Variants in NFKBIB observed in about 807,000 individuals in gnomAD.
NFKBIB encodes the protein NF-kappa-B inhibitor beta.
A neutral mutation model predicts 32.1 loss-of-function variants in NFKBIB; 16 were observed. That is an observed-to-expected ratio of 0.50 (90% CI 0.34 to 0.76). The LOEUF is 0.76. NFKBIB is among the 30% of genes least tolerant of loss of function. NFKBIB has a pLI of 0.01. For missense variants in NFKBIB, 437 were observed against 514.9 expected, an observed-to-expected ratio of 0.85 and a Z score of 1.46; for synonymous variants, 222 against 219.5, an observed-to-expected ratio of 1.01 and a Z score of -0.10.
chr19:38,904,977 C>T (rs756783470), intron 1 of NFKBIB, 38 bp from the exon 2 acceptor site: 1 of 1,596,390 alleles, frequency 6.3e-7, no homozygotes, highest in Non-Finnish European at 8.6e-7. Context: ...TGCAAGAGGA[C>T]TTGAACTTTG....
chr19:38,900,733 T>G (rs1237177416), intron 1 of NFKBIB, among the ~76,000 whole-genome samples: 1 of 152,178 alleles, frequency 6.6e-6, no homozygotes, highest in African/African-American at 2.4e-5. Context: ...AAAAAAAGAA[T>G]GTTAGCTCCA....
At chr19:38,904,785 A>G (rs187918389) in intron 1 of NFKBIB, among the ~76,000 whole-genome samples, 1 of 151,992 alleles carries the variant, frequency 6.6e-6, no homozygotes, top group Admixed American at 6.6e-5. Context: ...GTGGGAGTGA[A>G]TTCTGGTCCA....
intron 1 of NFKBIB, 32 bp downstream of exon 1, chr19:38,900,243 C>G: frequency 6.4e-7 from 1 of 1,554,160 alleles, no homozygotes; most frequent in Non-Finnish European, 8.7e-7. Context: ...AAACGGAGCC[C>G]TAGGACCCGG....
chr19:38,899,694 C>A (rs199642371), upstream of NFKBIB: 35 of 921,680 alleles, frequency 3.8e-5, no homozygotes, highest in Non-Finnish European at 1.2e-5. Flanking sequence ...GCAGACATTG[C>A]GGCCGCAGAC....
In NFKBIB at chr19:38,899,993, A is replaced by G; in HGVS notation, c.-40A>G. The G allele has an allele frequency of 6.9e-7, 1 of 1,442,096 alleles. No individual in the cohort carries two copies. Among genetic ancestry groups the G allele is most frequent in the East Asian group, 2.5e-5 (1 of 39,640 alleles). The allele number at this position is 1,442,096 out of a possible 1,614,324, so 89.3% of individuals were successfully genotyped here. On this transcript the variant is annotated 5_prime_UTR_variant, in exon 1 of 6. Coordinates refer to ENST00000313582, the MANE Select transcript of NFKBIB (RefSeq NM_002503.5). ...AGAACTCCCGGCAAAGCCCAGCTAC[A>G]GGCGGGCGACTGCGGGGGGCCCCTG...
chr19:38,908,842 T>C lies in NFKBIB; in HGVS notation c.*10T>C. On this transcript the variant is annotated 3_prime_UTR_variant, in exon 6 of 6. Coordinates refer to ENST00000313582, the MANE Select transcript of NFKBIB (RefSeq NM_002503.5). ...CCCCCGCCCCGTGTGATTTGTTTCA[T>C]TGTTAATATAATTTCCAGTTTAATA... The C allele has an allele frequency of 1.2e-6, 2 of 1,610,956 alleles. No individual in the cohort carries two copies. The highest frequency in any genetic ancestry group is 1.7e-6 in the Non-Finnish European group (2 of 1,179,280).
intron 1 of NFKBIB, among the ~76,000 whole-genome samples, chr19:38,902,902 T>C (rs1275285341): frequency 6.6e-6 from 1 of 151,948 alleles, no homozygotes; most frequent in Admixed American, 6.6e-5. Flanking sequence ...GGTGAAACCT[T>C]GTCTCTACTA....
upstream of NFKBIB, chr19:38,899,706 C>G: frequency 1.2e-6 from 1 of 869,548 alleles, no homozygotes; most frequent in Non-Finnish European, 1.9e-6. Context: ...GCCGCAGACG[C>G]GCTTTCGTAC....
intron 5 of NFKBIB, chr19:38,907,993 T>G: frequency 1.7e-6 from 2 of 1,160,876 alleles, no homozygotes; most frequent in East Asian, 4.7e-5. Flanking sequence ...GAACTCACAC[T>G]GCGAAAAGAA....
intron 3 of NFKBIB, among the ~76,000 whole-genome samples, chr19:38,906,249 C>T (rs1295298251): frequency 1.3e-5 from 2 of 150,642 alleles, no homozygotes; most frequent in African/African-American, 2.5e-5. Flanking sequence ...ATTCTCCTGC[C>T]TCAGCCTCCC....
In NFKBIB at chr19:38,907,647, CGGAGACGAG is replaced by C; in HGVS notation, c.960_968del (p.Gly323_Glu325del). On this transcript the variant is annotated inframe_deletion, in exon 5 of 6. Coordinates refer to ENST00000313582, the MANE Select transcript of NFKBIB (RefSeq NM_002503.5). ...GCAGCAGCAGTAGCGACAGCGACAG[CGGAGACGAG>C]GGCGTGAGTCAGGAGGAGAGACAGG... The C allele has an allele frequency of 6.2e-7, 1 of 1,605,068 alleles. No homozygotes were observed. Among genetic ancestry groups the C allele is most frequent in the Non-Finnish European group, 8.5e-7 (1 of 1,176,322 alleles).
At chr19:38,908,551 A>AG (rs1974224869) in intron 5 of NFKBIB, 180 bp from the exon 6 acceptor site, 3 of 1,316,338 alleles carry the variant, frequency 2.3e-6, no homozygotes, top group Non-Finnish European at 1.9e-6. Flanking sequence ...AAAAAAAAAA[A>AG]AAAAAAAGAA....
At chr19:38,906,332 C>T (rs530415705) in intron 3 of NFKBIB, among the ~76,000 whole-genome samples, 1 of 151,010 alleles carries the variant, frequency 6.6e-6, no homozygotes, top group Non-Finnish European at 1.5e-5. Flanking sequence ...TTAGTAGAGA[C>T]GGGGTTTTAC....
chr19:38,904,288 A>T (rs191551379), intron 1 of NFKBIB, among the ~76,000 whole-genome samples: 2 of 152,118 alleles, frequency 1.3e-5, no homozygotes, highest in Admixed American at 1.3e-4. Context: ...ATAGCCTGTG[A>T]TGATGTTTTT....
At chr19:38,908,538 TAAAA>T (rs56371900) in intron 5 of NFKBIB, 189 bp from the exon 6 acceptor site, 328 of 1,080,482 alleles carry the variant, frequency 3.0e-4, no homozygotes, top group Middle Eastern at 1.1e-3. Flanking sequence ...GACTCCATCT[TAAAA>T]AAAAAAAAAA....
At chr19:38,900,346 C>T (rs1393735536) in intron 1 of NFKBIB, 135 bp downstream of exon 1, 3 of 953,736 alleles carry the variant, frequency 3.1e-6, no homozygotes, top group Non-Finnish European at 4.4e-6. Context: ...GACCTCTAAC[C>T]CCCGAGTCCT....
chr19:38,904,657 G>A (rs1434695082), intron 1 of NFKBIB, among the ~76,000 whole-genome samples: 2 of 152,112 alleles, frequency 1.3e-5, no homozygotes, highest in East Asian at 1.9e-4. Flanking sequence ...GGCCCACCTC[G>A]TGTTTCCTGT....
intron 5 of NFKBIB, chr19:38,907,916 A>G: frequency 2.2e-6 from 3 of 1,348,274 alleles, no homozygotes; most frequent in Non-Finnish European, 1.9e-6. Context: ...CGTTGGTCGC[A>G]GTGATTGGTG....
At chr19:38,904,486 G>A (rs941793597) in intron 1 of NFKBIB, among the ~76,000 whole-genome samples, 2 of 144,072 alleles carry the variant, frequency 1.4e-5, no homozygotes, top group African/African-American at 5.1e-5. Flanking sequence ...ACTCTGTTTT[G>A]TACTCTGTCC....
Sources: gnomAD v4.1 joint callset for allele counts (sites outside exome capture counted in the v4.1 genomes callset) on GRCh38, gnomAD v4.1.1 for gene constraint, MANE v1.5 for transcripts, NCBI Gene and HGNC (gene_info 2026-07-23, HGNC 2026-07-21) for gene names.